EVL: variants seen among roughly 807,000 people sequenced by gnomAD.
EVL encodes ena/VASP-like protein.
Under a neutral mutation model 59.6 loss-of-function variants are expected in EVL, and 21 were observed. The ratio of observed to expected loss-of-function variants is 0.35; its 90% CI spans 0.25 to 0.51. EVL has a LOEUF of 0.51. EVL is among the 20% of genes least tolerant of loss of function. The probability of loss-of-function intolerance (pLI) is 0.97; values close to 1 mark genes in which losing one functional copy is unlikely to be tolerated. For missense variants in EVL, 462 were observed against 546.6 expected (o/e 0.85, Z 1.54); for synonymous variants, 198 against 203.5 (o/e 0.97, Z 0.23).
At chr14:100,117,329 C>T (rs1887414284) in intron 3 of EVL, among the ~76,000 whole-genome samples, 2 of 152,130 alleles carry the variant, frequency 1.3e-5, no homozygotes, top group Admixed American at 6.5e-5. Flanking sequence ...TGGGTGCTGG[C>T]AATGTGCCAC....
At chr14:99,997,665 T>G (rs530496024) in intron 1 of EVL, among the ~76,000 whole-genome samples, 1 of 152,330 alleles carries the variant, frequency 6.6e-6, no homozygotes, top group East Asian at 1.9e-4. Context: ...AGGGCAGAAC[T>G]AGGTCAGGTG....
intron 3 of EVL, 44 bp downstream of exon 3, chr14:100,097,702 G>A (rs1194250259): frequency 1.3e-6 from 2 of 1,548,106 alleles, no homozygotes; most frequent in South Asian, 1.2e-5. Flanking sequence ...ACCCTCTCTT[G>A]TTCTACCTCT....
At chr14:99,978,321 G>A (rs927235678) in intron 1 of EVL, among the ~76,000 whole-genome samples, 35 of 150,966 alleles carry the variant, frequency 2.3e-4, no homozygotes, top group Admixed American at 7.9e-4. Context: ...AGAATGGCGC[G>A]AACCCGGGAG....
At chr14:100,019,090 T>G (rs1369954212) in intron 1 of EVL, among the ~76,000 whole-genome samples, 1 of 152,214 alleles carries the variant, frequency 6.6e-6, no homozygotes, top group Non-Finnish European at 1.5e-5. Flanking sequence ...CTTATGCATT[T>G]GTGCTAAAAT....
intron 1 of EVL, among the ~76,000 whole-genome samples, chr14:100,008,867 A>T (rs770946563): frequency 6.6e-6 from 1 of 152,324 alleles, no homozygotes; most frequent in East Asian, 1.9e-4. Context: ...GACTCATGAG[A>T]TGAAATGCAA....
intron 3 of EVL, among the ~76,000 whole-genome samples, chr14:100,102,817 G>C (rs964826448): frequency 6.6e-6 from 1 of 152,042 alleles, no homozygotes; most frequent in Non-Finnish European, 1.5e-5. Context: ...GGACATAAAG[G>C]GTGGGCACAG....
At chr14:100,099,743 T>A (rs56034700) in intron 3 of EVL, among the ~76,000 whole-genome samples, 43,042 of 147,400 alleles carry the variant, frequency 0.29, 8,764 homozygotes, top group African/African-American at 0.57. Flanking sequence ...TTTTTTTTTT[T>A]AATTTTATTT....
chr14:100,070,293 A>G (rs2140277747), intron 1 of EVL, among the ~76,000 whole-genome samples: 2 of 152,240 alleles, frequency 1.3e-5, no homozygotes, highest in Middle Eastern at 6.8e-3. Flanking sequence ...AAGGGCCTAC[A>G]AAGTATCGTA....
At chr14:99,985,697 G>A (rs1293163260) in intron 1 of EVL, among the ~76,000 whole-genome samples, 2 of 151,936 alleles carry the variant, frequency 1.3e-5, no homozygotes, top group African/African-American at 4.8e-5. Flanking sequence ...AACCCAGGAG[G>A]TGGAGGTTGC....
At chr14:100,022,822 C>G (rs974118922) in intron 1 of EVL, among the ~76,000 whole-genome samples, 1 of 152,154 alleles carries the variant, frequency 6.6e-6, no homozygotes, top group African/African-American at 2.4e-5. Flanking sequence ...GTCCTGAGGT[C>G]GGTGCCATGG....
chr14:100,000,494 C>T (rs1290787761), intron 1 of EVL, among the ~76,000 whole-genome samples: 2 of 152,022 alleles, frequency 1.3e-5, no homozygotes, highest in Non-Finnish European at 2.9e-5. Flanking sequence ...ACTACAAGCG[C>T]GTGCCATCAT....
intron 1 of EVL, among the ~76,000 whole-genome samples, chr14:100,043,245 GTATA>G (rs996256790): frequency 3.3e-5 from 5 of 150,442 alleles, no homozygotes; most frequent in African/African-American, 1.2e-4. Flanking sequence ...GTGTGTGTGT[GTATA>G]TATATATGTG....
chr14:100,052,757 A>G (rs1442206919), intron 1 of EVL: 2 of 152,294 alleles, frequency 1.3e-5, no homozygotes, highest in African/African-American at 4.8e-5. Flanking sequence ...TGTCTCAAAA[A>G]AAAAAAAAAT....
chr14:100,047,158 T>C (rs2061567630), intron 1 of EVL, among the ~76,000 whole-genome samples: 1 of 142,556 alleles, frequency 7.0e-6, no homozygotes, highest in Non-Finnish European at 1.5e-5. Flanking sequence ...CTGACCCCAG[T>C]TTCTTCAGGA....
chr14:100,118,881 C>G (rs1484268177), intron 3 of EVL, among the ~76,000 whole-genome samples: 1 of 152,256 alleles, frequency 6.6e-6, no homozygotes, highest in Admixed American at 6.5e-5. Flanking sequence ...AGACTCGAAG[C>G]TGGAAAGTGG....
intron 1 of EVL, among the ~76,000 whole-genome samples, chr14:100,006,811 CAAA>C (rs56007744): frequency 1.6e-5 from 2 of 127,882 alleles, no homozygotes; most frequent in Non-Finnish European, 1.7e-5. Context: ...AGTAAAACAT[CAAA>C]AAAAAAAAAA....
chr14:100,128,857 C>A, intron 6 of EVL, 109 bp downstream of exon 6: 1 of 926,312 alleles, frequency 1.1e-6, no homozygotes, highest in Non-Finnish European at 1.7e-6. Context: ...AACTGCTTCC[C>A]TGCCCAAAGC....
intron 1 of EVL, among the ~76,000 whole-genome samples, chr14:99,994,295 C>A (rs969192645): frequency 2.6e-5 from 4 of 151,790 alleles, no homozygotes; most frequent in African/African-American, 9.7e-5. Flanking sequence ...GAAGGATTTA[C>A]TATTATTTTG....
chr14:100,076,978 G>A (rs1322059566), intron 1 of EVL, among the ~76,000 whole-genome samples: 2 of 152,178 alleles, frequency 1.3e-5, no homozygotes, highest in Non-Finnish European at 2.9e-5. Flanking sequence ...AGAAGATGAG[G>A]AAAGAGGAAA....
Sources: allele counts gnomAD v4.1 joint callset (sites outside exome capture counted in the v4.1 genomes callset), GRCh38; gene constraint gnomAD v4.1.1; transcripts MANE v1.5; gene names NCBI Gene and HGNC (gene_info 2026-07-23, HGNC 2026-07-21).